Variants in POLE2 observed in about 807,000 individuals in gnomAD.
POLE2 encodes the protein DNA polymerase epsilon subunit 2.
POLE2 carries 56 observed loss-of-function variants against 79.4 expected under a neutral mutation model. The ratio of observed to expected loss-of-function variants is 0.71; its 90% CI spans 0.57 to 0.88. The LOEUF (loss-of-function observed/expected upper bound fraction) is 0.88, where lower values mean the gene tolerates loss of function less well. Ranked by LOEUF, POLE2 falls within the 40% of genes least tolerant of loss-of-function variation. POLE2 has a pLI of 0.00. For missense variants in POLE2, 598 were observed against 638.9 expected (o/e 0.94, Z 0.69); for synonymous variants, 212 against 214.0 (o/e 0.99, Z 0.08).
At chr14:49,682,640 G>GAAAAAAAAA (rs35984833) in intron 2 of POLE2, among the ~76,000 whole-genome samples, 1 of 60,974 alleles carries the variant, frequency 1.6e-5, no homozygotes, top group African/African-American at 5.7e-5. Context: ...CCTTCTCAGG[G>GAAAAAAAAA]AAAAAAAAAA....
chr14:49,686,323 G>T (rs1415230916), intron 1 of POLE2, among the ~76,000 whole-genome samples: 1 of 152,196 alleles, frequency 6.6e-6, no homozygotes, highest in Non-Finnish European at 1.5e-5. Flanking sequence ...TTGCCTCAGA[G>T]TTACTAGAAG....
chr14:49,668,531 C>T (rs1203786509), intron 6 of POLE2, among the ~76,000 whole-genome samples: 1 of 151,228 alleles, frequency 6.6e-6, no homozygotes, highest in African/African-American at 2.4e-5. Flanking sequence ...ATCATTTTTG[C>T]AATTGGTAAA....
At chr14:49,674,087 C>T (rs763908236) in intron 5 of POLE2, 36 bp downstream of exon 5, 6 of 1,129,368 alleles carry the variant, frequency 5.3e-6, no homozygotes, top group South Asian at 1.2e-5. Context: ...TCTCATTTTA[C>T]CCAGTATCCT....
At position 49,650,246 on chromosome 14, in the gene POLE2, A is replaced by C; in HGVS notation, c.1497+19T>G. Reference sequence around the variant, plus strand: ...AATCTTGATAAATAATGACTATATAAGATTAACTACATTCTTACAGGGTTT... The same window carrying C: ...AATCTTGATAAATAATGACTATATACGATTAACTACATTCTTACAGGGTTT... On this transcript the variant is annotated intron_variant, in intron 17 of 18. Coordinates refer to ENST00000216367, the MANE Select transcript of POLE2 (RefSeq NM_002692.4). 7.1e-7 allele frequency: 1 copy of C among 1,400,532 alleles called. No homozygotes were observed. Among genetic ancestry groups the C allele is most frequent in the Non-Finnish European group, 9.8e-7 (1 of 1,017,318 alleles). 86.8% of individuals were successfully genotyped at this position (1,400,532 alleles called of 1,614,324 possible).
intron 5 of POLE2, among the ~76,000 whole-genome samples, chr14:49,673,779 T>G (rs1355012378): frequency 6.6e-6 from 1 of 152,208 alleles, no homozygotes; most frequent in Non-Finnish European, 1.5e-5. Context: ...AAGCCTCAGT[T>G]TCCTGATCCG....
intron 18 of POLE2, among the ~76,000 whole-genome samples, chr14:49,643,934 C>T (rs1380662363): frequency 7.6e-6 from 1 of 132,422 alleles, no homozygotes; most frequent in Non-Finnish European, 1.5e-5. Flanking sequence ...GGCTGGAGTG[C>T]AATGGCGTAA....
chr14:49,687,550 A>T (rs759461284), intron 1 of POLE2, among the ~76,000 whole-genome samples: 2 of 152,006 alleles, frequency 1.3e-5, no homozygotes, highest in Admixed American at 6.6e-5. Flanking sequence ...CCAGGTCACA[A>T]TGTTGATAAC....
rs566231730 is a variant in POLE2 at position 49,674,601 on chromosome 14, T to C, written c.246-174A>G. Among the ~76,000 whole-genome samples, 9 of 152,196 alleles carry C rather than the reference T, an allele frequency of 5.9e-5. 1 individual carries two copies. The South Asian group carries it at 1.5e-3, about 25-fold the overall frequency. Reference sequence around the variant, plus strand: ...TCTTTTTTAAGACAGAGTTTCGCTATTGTTCTCCAGGCTAGAGTGCAATGG... The same window carrying C: ...TCTTTTTTAAGACAGAGTTTCGCTACTGTTCTCCAGGCTAGAGTGCAATGG... On this transcript the variant is annotated intron_variant, in intron 3 of 18. Transcript: ENST00000216367.
intron 8 of POLE2, 76 bp from the exon 9 acceptor site, chr14:49,664,750 G>T (rs760496473): frequency 3.4e-6 from 3 of 880,724 alleles, no homozygotes; most frequent in East Asian, 2.4e-5. Context: ...GTCCAACAAG[G>T]CTTCTAAATA....
At chr14:49,659,898 T>A (rs540285204) in intron 10 of POLE2, among the ~76,000 whole-genome samples, 3 of 152,298 alleles carry the variant, frequency 2.0e-5, no homozygotes, top group Admixed American at 6.5e-5. Flanking sequence ...CTAGGTTAAT[T>A]TCTTACTGAA....
intron 1 of POLE2, among the ~76,000 whole-genome samples, chr14:49,685,560 T>C (rs1174573640): frequency 4.6e-5 from 7 of 152,218 alleles, no homozygotes; most frequent in African/African-American, 1.2e-4. Context: ...TTAGGGTCTT[T>C]ATATGGCCAT....
At chr14:49,644,250 C>T (rs1883600833) in intron 18 of POLE2, among the ~76,000 whole-genome samples, 1 of 151,020 alleles carries the variant, frequency 6.6e-6, no homozygotes, top group Admixed American at 6.6e-5. Context: ...GTGGCTCACG[C>T]CTATAATCCC....
In POLE2 at chr14:49,675,569, G is replaced by A. The variant is rs1411605085; in HGVS notation, c.246-1142C>T. Among the ~76,000 whole-genome samples, 4 of 151,980 alleles carry A rather than the reference G, an allele frequency of 2.6e-5. No homozygotes were observed. In the East Asian group the frequency reaches 7.8e-4, roughly 29 times the overall value. ...GCCTCTCAAGTAGCTGGGATTACAG[G>A]CATGTGCCACCACACCCAGCTAATT... On this transcript the variant is annotated intron_variant, in intron 3 of 18. Coordinates refer to ENST00000216367, the MANE Select transcript of POLE2 (RefSeq NM_002692.4).
chr14:49,681,634 T>C lies in POLE2; in HGVS notation c.170-1834A>G, dbSNP rs933602047. On this transcript the variant is annotated intron_variant, in intron 2 of 18. Coordinates refer to ENST00000216367, the MANE Select transcript of POLE2 (RefSeq NM_002692.4). Reference sequence around the variant, plus strand: ...ACCAAAAATATAAAAATTAGCCTGGTGTGGTGGCACGCACCTGTAGTCCCA... The same window carrying C: ...ACCAAAAATATAAAAATTAGCCTGGCGTGGTGGCACGCACCTGTAGTCCCA... Among the ~76,000 whole-genome samples the C allele has an allele frequency of 3.9e-5, 6 of 151,918 alleles. 1 individual carries two copies. Among genetic ancestry groups the C allele is most frequent in the African/African-American group, 1.5e-4 (6 of 41,360 alleles).
chr14:49,646,306 T>TTTTG (rs1883764577), intron 18 of POLE2, among the ~76,000 whole-genome samples: 1 of 51,358 alleles, frequency 1.9e-5, no homozygotes, highest in Non-Finnish European at 5.0e-5. Flanking sequence ...TTGTTGGTTT[T>TTTTG]TTTTTTTTTT....
chr14:49,659,871 G>A (rs1445425668), intron 10 of POLE2, among the ~76,000 whole-genome samples: 2 of 152,182 alleles, frequency 1.3e-5, no homozygotes, highest in Admixed American at 1.3e-4. Context: ...TTATAGGTGT[G>A]AGCCACTGTG....
At chr14:49,652,023 A>G (rs1350313093) in intron 15 of POLE2, among the ~76,000 whole-genome samples, 4 of 152,076 alleles carry the variant, frequency 2.6e-5, no homozygotes, top group African/African-American at 9.7e-5. Flanking sequence ...GGCCTTGATT[A>G]CCACTGCAAG....
intron 13 of POLE2, 60 bp from the exon 14 acceptor site, chr14:49,654,274 T>A: frequency 9.2e-7 from 1 of 1,087,162 alleles, no homozygotes; most frequent in Non-Finnish European, 1.4e-6. Flanking sequence ...TCCAATAGCT[T>A]AAAAGCAAGT....
intron 3 of POLE2, among the ~76,000 whole-genome samples, chr14:49,674,774 C>G (rs1360791121): frequency 2.6e-5 from 4 of 151,968 alleles, no homozygotes; most frequent in Non-Finnish European, 5.9e-5. Flanking sequence ...CCGTGTTGGT[C>G]AGGCTGATCT....
Sources: gnomAD v4.1 joint callset for allele counts (sites outside exome capture counted in the v4.1 genomes callset) on GRCh38, gnomAD v4.1.1 for gene constraint, MANE v1.5 for transcripts, NCBI Gene and HGNC (gene_info 2026-07-23, HGNC 2026-07-21) for gene names.